Variants in LRIG2 observed in about 807,000 individuals in gnomAD.
LRIG2 encodes the protein leucine rich repeats and immunoglobulin like domains 2.
Under a neutral mutation model 107.8 loss-of-function variants are expected in LRIG2, and 93 were observed. The observed-to-expected ratio is 0.86, with a 90% CI of 0.73 to 1.03. The LOEUF is 1.03. Ranked by LOEUF, LRIG2 falls within the 50% of genes least tolerant of loss-of-function variation. The pLI is 0.00. For synonymous variants in LRIG2, 471 were observed against 470.6 expected, an observed-to-expected ratio of 1.00 and a Z score of -0.01; for missense variants, 1,226 against 1,296.0, an observed-to-expected ratio of 0.95 and a Z score of 0.83.
rs1174623303 is a variant in LRIG2 at position 113,129,726 on chromosome 1, C to A, written c.*5625C>A. ...TGAAATGCTCCTTTCCCCACTGCCC[C>A]CTAATGACCACTTTCAGGAGGAATA... On this transcript the variant is annotated 3_prime_UTR_variant, in exon 18 of 18. Coordinates refer to ENST00000361127, the MANE Select transcript of LRIG2 (RefSeq NM_014813.3). 3 of 152,182 alleles carry A rather than the reference C, an allele frequency of 2.0e-5. 1 individual carries two copies. Among genetic ancestry groups the A allele is most frequent in the Admixed American group, 2.0e-4 (3 of 15,278 alleles). 9.4% of individuals were successfully genotyped at this position (152,182 alleles called of 1,614,324 possible). A position where few individuals can be genotyped will look rare whatever the true frequency, so the allele number is the denominator to read the frequency against.
chr1:113,078,197 T>C (rs113794888), intron 1 of LRIG2, among the ~76,000 whole-genome samples: 3,052 of 152,092 alleles, frequency 0.02, 117 homozygotes, highest in African/African-American at 0.069. Flanking sequence ...AGTAAACATA[T>C]GTGTGCATGT....
intron 14 of LRIG2, 26 bp from the exon 15 acceptor site, chr1:113,114,401 T>C: frequency 6.7e-7 from 1 of 1,485,322 alleles, no homozygotes; most frequent in African/African-American, 1.4e-5. Flanking sequence ...TTTTCATTTT[T>C]TTTTTTTTTA....
chr1:113,118,911 G>A (rs1025912861), intron 16 of LRIG2, among the ~76,000 whole-genome samples: 3 of 152,078 alleles, frequency 2.0e-5, no homozygotes, highest in Non-Finnish European at 4.4e-5. Flanking sequence ...TGATCTGCCC[G>A]CCTCGGCCTC....
At chr1:113,081,132 C>T (rs961520374) in intron 1 of LRIG2, among the ~76,000 whole-genome samples, 1 of 152,054 alleles carries the variant, frequency 6.6e-6, no homozygotes, top group Non-Finnish European at 1.5e-5. Context: ...TGAGCCACCG[C>T]GCCTGGCCCA....
chr1:113,123,795 C>T (rs1225142354), intron 17 of LRIG2, 80 bp from the exon 18 acceptor site: 4 of 1,024,898 alleles, frequency 3.9e-6, no homozygotes, highest in Non-Finnish European at 5.9e-6. Flanking sequence ...TATTGAACAT[C>T]TTTATTTCTT....
chr1:113,116,505 T>C (rs1164464344), intron 16 of LRIG2, 69 bp downstream of exon 16: 8 of 1,403,734 alleles, frequency 5.7e-6, no homozygotes, highest in Non-Finnish European at 7.8e-6. Context: ...AGTGTGTAGT[T>C]TCTCCATTAA....
chr1:113,102,880 A>G (rs145511962), intron 11 of LRIG2, among the ~76,000 whole-genome samples: 1 of 152,280 alleles, frequency 6.6e-6, no homozygotes, highest in Non-Finnish European at 1.5e-5. Flanking sequence ...GAAAATCATC[A>G]TAGTTATTTT....
intron 15 of LRIG2, 87 bp downstream of exon 15, chr1:113,114,963 G>A: frequency 8.7e-7 from 1 of 1,147,532 alleles, no homozygotes; most frequent in Non-Finnish European, 1.2e-6. Flanking sequence ...AAAACTGAGA[G>A]CTGGTCATAG....
intron 1 of LRIG2, among the ~76,000 whole-genome samples, chr1:113,088,092 A>G (rs1038592964): frequency 2.6e-5 from 4 of 152,192 alleles, no homozygotes; most frequent in African/African-American, 9.7e-5. Context: ...GTTGCTTTCT[A>G]TGATAGTACT....
chr1:113,124,335 A>T lies in LRIG2; in HGVS notation c.*234A>T, dbSNP rs1655399667. On this transcript the variant is annotated 3_prime_UTR_variant, in exon 18 of 18. Coordinates refer to ENST00000361127, the MANE Select transcript of LRIG2 (RefSeq NM_014813.3). ...AAAATGTGCAGCACCGGCAGAGGGAAGATACGGGGCAAATGTGCTTCCTGA... is the reference window on the plus strand; with the variant it reads ...AAAATGTGCAGCACCGGCAGAGGGATGATACGGGGCAAATGTGCTTCCTGA... The T allele has an allele frequency of 1.8e-6, 1 of 557,642 alleles. No individual in the cohort carries two copies. The highest frequency in any genetic ancestry group is 1.9e-5 in the African/African-American group (1 of 53,126). 34.5% of individuals were successfully genotyped at this position (557,642 alleles called of 1,614,324 possible). A position where few individuals can be genotyped will look rare whatever the true frequency, so the allele number is the denominator to read the frequency against.
At chr1:113,108,482 C>G (rs1654632365) in intron 12 of LRIG2, among the ~76,000 whole-genome samples, 2 of 151,688 alleles carry the variant, frequency 1.3e-5, no homozygotes, top group African/African-American at 4.8e-5. Flanking sequence ...CCTCTGCCTC[C>G]CAAAGTGCTG....
Position 113,124,324 on chromosome 1 carries a change from C to T in LRIG2, c.*223C>T, listed in dbSNP as rs916207405. On this transcript the variant is annotated 3_prime_UTR_variant, in exon 18 of 18. Transcript: ENST00000361127. ...ACAGCTCATCAAAAATGTGCAGCAC[C>T]GGCAGAGGGAAGATACGGGGCAAAT... is the stretch of plus-strand genomic sequence containing the variant. The T allele has an allele frequency of 3.5e-5, 20 of 571,298 alleles. No individual in the cohort carries two copies. The highest frequency in any genetic ancestry group is 1.2e-4 in the Admixed American group (4 of 32,770). 35.4% of individuals were successfully genotyped at this position (571,298 alleles called of 1,614,324 possible). A position where few individuals can be genotyped will look rare whatever the true frequency, so the allele number is the denominator to read the frequency against.
At chr1:113,085,025 T>G (rs1019997693) in intron 1 of LRIG2, among the ~76,000 whole-genome samples, 1 of 152,248 alleles carries the variant, frequency 6.6e-6, no homozygotes. Context: ...CGGAAAAACC[T>G]GGAGAATGGA....
At chr1:113,104,944 G>A (rs1216736449) in intron 11 of LRIG2, among the ~76,000 whole-genome samples, 1 of 152,052 alleles carries the variant, frequency 6.6e-6, no homozygotes, top group Non-Finnish European at 1.5e-5. Context: ...TCATGAGTTC[G>A]AGACCAGCCT....
At chr1:113,097,182 T>C (rs961917455) in intron 8 of LRIG2, among the ~76,000 whole-genome samples, 6 of 150,698 alleles carry the variant, frequency 4.0e-5, no homozygotes, top group Middle Eastern at 3.5e-3. Context: ...TATATATTTA[T>C]ATATAAATAT....
At chr1:113,077,452 A>C (rs1170396774) in intron 1 of LRIG2, among the ~76,000 whole-genome samples, 2 of 152,120 alleles carry the variant, frequency 1.3e-5, no homozygotes, top group Non-Finnish European at 2.9e-5. Context: ...AGCTGCTAAA[A>C]ATTTTGTCTT....
chr1:113,080,454 A>G (rs929931177), intron 1 of LRIG2, among the ~76,000 whole-genome samples: 2 of 151,720 alleles, frequency 1.3e-5, no homozygotes, highest in Non-Finnish European at 2.9e-5. Context: ...ATCTCGGCTC[A>G]CTGCAAGCTC....
At chr1:113,082,653 CTT>C (rs1653340740) in intron 1 of LRIG2, among the ~76,000 whole-genome samples, 1 of 152,012 alleles carries the variant, frequency 6.6e-6, no homozygotes, top group East Asian at 1.9e-4. Context: ...CAGGGTCTCT[CTT>C]ATTTATTTAT....
chr1:113,086,000 G>GTTTTTTT (rs34131524), intron 1 of LRIG2, among the ~76,000 whole-genome samples: 2 of 65,020 alleles, frequency 3.1e-5, no homozygotes, highest in African/African-American at 5.9e-5. Flanking sequence ...TAACCCTGAG[G>GTTTTTTT]TTTTTTTTTT....
Sources: gnomAD v4.1 joint callset for allele counts (sites outside exome capture counted in the v4.1 genomes callset) on GRCh38, gnomAD v4.1.1 for gene constraint, MANE v1.5 for transcripts, NCBI Gene and HGNC (gene_info 2026-07-23, HGNC 2026-07-21) for gene names.